The following DOCK2 variants were observed in gnomAD, a reference collection of about 807,000 sequenced individuals.
DOCK2 encodes the protein dedicator of cytokinesis protein 2.
DOCK2 carries 87 observed loss-of-function variants against 248.9 expected under a neutral mutation model. The ratio of observed to expected loss-of-function variants is 0.35; its 90% CI spans 0.29 to 0.42. The LOEUF (loss-of-function observed/expected upper bound fraction) is 0.42, where lower values mean the gene tolerates loss of function less well. DOCK2 is among the 10% of genes least tolerant of loss of function. The pLI is 1.00. For missense variants in DOCK2, 1,747 were observed against 2,300.2 expected (o/e 0.76, Z 4.92); for synonymous variants, 805 against 821.6 (o/e 0.98, Z 0.35).
rs551280353 is a variant in DOCK2 at position 170,031,190 on chromosome 5, G to T, written c.3468-3209G>T. Among the ~76,000 whole-genome samples the T allele has an allele frequency of 2.6e-5, 4 of 152,324 alleles. No individual in the cohort carries two copies. The South Asian group carries it at 8.3e-4, about 32-fold the overall frequency. ...TAGTTCTAGAAGTGGTGAGGGAATC[G>T]GAAGGTTGAAGCAGATAGATGTATG... On this transcript the variant is annotated intron_variant, in intron 34 of 51. Coordinates refer to ENST00000520908, the MANE Select transcript of DOCK2 (RefSeq NM_004946.3).
chr5:170,081,523 A>G, intron 50 of DOCK2: 1 of 291,714 alleles, frequency 3.4e-6, no homozygotes, highest in Non-Finnish European at 6.4e-6. Context: ...GAGCTGGAGG[A>G]AGAGTAAGCT....
rs74554740 is a variant in DOCK2 at position 169,770,877 on chromosome 5, G to A, written c.2554+9252G>A. 3.5e-4 allele frequency among the ~76,000 whole-genome samples: 53 copies of A among 152,286 alleles called. No individual in the cohort carries two copies. The East Asian group carries it at 8.7e-3, about 25-fold the overall frequency. Reference sequence around the variant, plus strand: ...CTTTCAATTTCAGGCATTGGGTTGTGTCAGTGTTTCTTCTATTGAAAGCAC... The same window carrying A: ...CTTTCAATTTCAGGCATTGGGTTGTATCAGTGTTTCTTCTATTGAAAGCAC... On this transcript the variant is annotated intron_variant, in intron 25 of 51. Transcript: ENST00000520908.
Position 170,055,395 on chromosome 5 carries a change from C to A in DOCK2, c.4295+9C>A, listed in dbSNP as rs115134653. 3.7e-6 allele frequency: 6 copies of A among 1,613,540 alleles called. No homozygotes were observed. The highest frequency in any genetic ancestry group is 5.1e-6 in the Non-Finnish European group (6 of 1,179,504). On this transcript the variant is annotated intron_variant, in intron 42 of 51. Coordinates refer to ENST00000520908, the MANE Select transcript of DOCK2 (RefSeq NM_004946.3). ...CCTGACCAGATTATAAAGTAAGACT[C>A]GTTGTCCACAGGGAAGAAGGATGGG...
chr5:169,858,792 A>G (rs1483557953), intron 27 of DOCK2, among the ~76,000 whole-genome samples: 1 of 152,176 alleles, frequency 6.6e-6, no homozygotes, highest in Non-Finnish European at 1.5e-5. Context: ...TGCTTGAGCC[A>G]GGAGTTTGAG....
chr5:169,765,979 T>C (rs1401506449), intron 25 of DOCK2, among the ~76,000 whole-genome samples: 1 of 152,190 alleles, frequency 6.6e-6, no homozygotes, highest in Admixed American at 6.5e-5. Context: ...ATGGAAATAA[T>C]TGTGCCTATA....
intron 19 of DOCK2, among the ~76,000 whole-genome samples, chr5:169,715,564 C>T (rs1761851109): frequency 6.6e-6 from 1 of 151,164 alleles, no homozygotes; most frequent in South Asian, 2.1e-4. Context: ...AGAGATGAGG[C>T]TTTTGTTGTC....
chr5:169,688,267 C>T (rs1196062212), intron 8 of DOCK2, among the ~76,000 whole-genome samples: 1 of 152,224 alleles, frequency 6.6e-6, no homozygotes, highest in Non-Finnish European at 1.5e-5. Context: ...TGTTTCCTGC[C>T]TCGTGGCCTT....
At chr5:169,870,547 A>G (rs186663445) in intron 27 of DOCK2, among the ~76,000 whole-genome samples, 2 of 152,188 alleles carry the variant, frequency 1.3e-5, no homozygotes, top group Non-Finnish European at 2.9e-5. Flanking sequence ...TTGAATTTGC[A>G]AAGTATTTTA....
intron 29 of DOCK2, among the ~76,000 whole-genome samples, chr5:169,986,493 G>A (rs1455472048): frequency 1.3e-5 from 2 of 152,140 alleles, no homozygotes; most frequent in African/African-American, 4.8e-5. Context: ...CCCAAGTATA[G>A]CTTAGATGTC....
chr5:169,648,974 C>T (rs75116048), intron 1 of DOCK2, among the ~76,000 whole-genome samples: 2,186 of 152,342 alleles, frequency 0.014, 33 homozygotes, highest in South Asian at 0.037. Context: ...GCTGGGTCAT[C>T]GCAGTCACCC....
intron 27 of DOCK2, among the ~76,000 whole-genome samples, chr5:169,846,828 G>A (rs1345649529): frequency 6.6e-6 from 1 of 151,992 alleles, no homozygotes; most frequent in Non-Finnish European, 1.5e-5. Context: ...CTAATATGTT[G>A]TTTTTTTATT....
chr5:169,959,125 G>C (rs1293493872), intron 27 of DOCK2, among the ~76,000 whole-genome samples: 1 of 151,658 alleles, frequency 6.6e-6, no homozygotes, highest in East Asian at 1.9e-4. Flanking sequence ...GGGCATGGTG[G>C]CTCATGCCTG....
At chr5:170,056,903 G>A in intron 43 of DOCK2, 135 bp downstream of exon 43, 1 of 736,700 alleles carries the variant, frequency 1.4e-6, no homozygotes. Context: ...TGGATACCAT[G>A]ACGTCCGTTC....
chr5:169,911,048 G>A (rs776847923), intron 27 of DOCK2, among the ~76,000 whole-genome samples: 1 of 152,178 alleles, frequency 6.6e-6, no homozygotes, highest in Non-Finnish European at 1.5e-5. Context: ...GATGCTCGTT[G>A]GTCCACTAGC....
chr5:170,051,153 G>A (rs1283896775), intron 41 of DOCK2, among the ~76,000 whole-genome samples: 1 of 152,228 alleles, frequency 6.6e-6, no homozygotes, highest in African/African-American at 2.4e-5. Context: ...ATCCCAGACA[G>A]AAGGAAGAAC....
chr5:170,059,841 T>C (rs147896690), intron 44 of DOCK2, among the ~76,000 whole-genome samples: 207 of 152,330 alleles, frequency 1.4e-3, no homozygotes, highest in African/African-American at 4.8e-3. Context: ...ATAGTCAAGA[T>C]TTTTGGCTTG....
intron 30 of DOCK2, among the ~76,000 whole-genome samples, chr5:170,005,659 G>T (rs1250370983): frequency 2.0e-5 from 3 of 151,980 alleles, no homozygotes; most frequent in Admixed American, 2.0e-4. Context: ...CAATGGTAAT[G>T]GTTGAACCCC....
At chr5:169,953,965 C>A (rs1234068216) in intron 27 of DOCK2, among the ~76,000 whole-genome samples, 1 of 152,172 alleles carries the variant, frequency 6.6e-6, no homozygotes, top group Admixed American at 6.5e-5. Context: ...ATGGCAAAGG[C>A]TTCACAAGAG....
At chr5:170,020,437 A>T (rs904618301) in intron 33 of DOCK2, among the ~76,000 whole-genome samples, 6 of 152,232 alleles carry the variant, frequency 3.9e-5, no homozygotes, top group Middle Eastern at 3.4e-3. Flanking sequence ...CATCTTCCTC[A>T]TCTGCATCTA....
Sources: allele counts gnomAD v4.1 joint callset (sites outside exome capture counted in the v4.1 genomes callset), GRCh38; gene constraint gnomAD v4.1.1; transcripts MANE v1.5; gene names NCBI Gene and HGNC (gene_info 2026-07-23, HGNC 2026-07-21).